PTPRM: variants seen among roughly 807,000 people sequenced by gnomAD.
PTPRM encodes protein tyrosine phosphatase receptor type M, also known as receptor-type tyrosine-protein phosphatase mu.
PTPRM carries 47 observed loss-of-function variants against 186.7 expected under a neutral mutation model. That is an observed-to-expected ratio of 0.25 (90% confidence interval 0.20 to 0.32). PTPRM has a LOEUF of 0.32. Ranked by LOEUF, PTPRM falls within the 10% of genes least tolerant of loss-of-function variation. PTPRM has a pLI of 1.00. For missense variants in PTPRM, 1,494 were observed against 1,865.0 expected, an observed-to-expected ratio of 0.80 and a Z score of 3.66; for synonymous variants, 668 against 674.9, an observed-to-expected ratio of 0.99 and a Z score of 0.16.
At chr18:8,299,499 A>T (rs958441941) in intron 20 of PTPRM, among the ~76,000 whole-genome samples, 8 of 151,830 alleles carry the variant, frequency 5.3e-5, no homozygotes, top group Non-Finnish European at 1.2e-4. Context: ...AGGCAAGAGA[A>T]TTGCTTGAAC....
At chr18:7,849,127 T>C (rs994402645) in intron 2 of PTPRM, among the ~76,000 whole-genome samples, 2 of 152,218 alleles carry the variant, frequency 1.3e-5, no homozygotes, top group African/African-American at 4.8e-5. Context: ...GCACCCAGAA[T>C]GATTTTGGCT....
rs1433766985 is a variant in PTPRM at position 7,650,708 on chromosome 18, A to G, written c.73+82817A>G. On this transcript the variant is annotated intron_variant, in intron 1 of 32. Coordinates refer to ENST00000580170, the MANE Select transcript of PTPRM (RefSeq NM_001105244.2). ...AGACTGTACCGAACCACCTTACAGT[A>G]TGCTGTTTGTTCATTAGACACTTGT... Among the ~76,000 whole-genome samples the G allele has an allele frequency of 2.0e-5, 3 of 152,188 alleles. 1 individual carries two copies. The highest frequency in any genetic ancestry group is 6.8e-3 in the Middle Eastern group (2 of 294).
At chr18:8,298,643 G>A (rs746886342) in intron 20 of PTPRM, among the ~76,000 whole-genome samples, 21 of 152,168 alleles carry the variant, frequency 1.4e-4, no homozygotes, top group Admixed American at 2.6e-4. Flanking sequence ...ATCGAAACCC[G>A]CTCACTAACA....
intron 24 of PTPRM, among the ~76,000 whole-genome samples, chr18:8,372,787 A>G (rs1238692562): frequency 1.3e-5 from 2 of 151,836 alleles, no homozygotes; most frequent in Admixed American, 6.6e-5. Context: ...GAATAACCGC[A>G]TTAAAACAGC....
intron 3 of PTPRM, among the ~76,000 whole-genome samples, chr18:7,905,339 T>C (rs1473809522): frequency 6.6e-6 from 1 of 152,160 alleles, no homozygotes; most frequent in Non-Finnish European, 1.5e-5. Flanking sequence ...GGCTCCACCA[T>C]CTTAAAAAAC....
At chr18:8,044,255 A>G (rs2086874542) in intron 7 of PTPRM, among the ~76,000 whole-genome samples, 1 of 152,186 alleles carries the variant, frequency 6.6e-6, no homozygotes, top group African/African-American at 2.4e-5. Context: ...TATGAGAAAA[A>G]TGATTCATTG....
chr18:8,378,041 T>C, intron 26 of PTPRM: 1 of 470,644 alleles, frequency 2.1e-6, no homozygotes, highest in Non-Finnish European at 3.8e-6. Flanking sequence ...GTTTTCATGG[T>C]GCTGCAGTGC....
At chr18:7,720,044 G>A (rs998899168) in intron 1 of PTPRM, among the ~76,000 whole-genome samples, 2 of 152,074 alleles carry the variant, frequency 1.3e-5, no homozygotes, top group African/African-American at 4.8e-5. Flanking sequence ...AAAAAATTAA[G>A]GAAACCCTTA....
chr18:7,875,327 ATT>A (rs796334079), intron 2 of PTPRM, among the ~76,000 whole-genome samples: 3 of 143,866 alleles, frequency 2.1e-5, no homozygotes, highest in African/African-American at 2.5e-5. Context: ...AACGTGCACC[ATT>A]TTTTTTTTTT....
At chr18:7,936,701 G>A (rs2051835428) in intron 5 of PTPRM, among the ~76,000 whole-genome samples, 2 of 152,188 alleles carry the variant, frequency 1.3e-5, no homozygotes, top group Non-Finnish European at 2.9e-5. Flanking sequence ...AGGAAGGCCT[G>A]AAGCCTGGGA....
chr18:8,257,308 TG>T (rs2094583860), intron 19 of PTPRM, among the ~76,000 whole-genome samples: 2 of 152,076 alleles, frequency 1.3e-5, no homozygotes. Context: ...GGCTGGTCTG[TG>T]GGATGAGGGT....
chr18:7,842,930 G>GTGTGTATATATATATA (rs377182615), intron 2 of PTPRM, among the ~76,000 whole-genome samples: 7 of 100,940 alleles, frequency 6.9e-5, no homozygotes, highest in African/African-American at 2.0e-4. Flanking sequence ...GTGTGTGTGT[G>GTGTGTATATATATATA]TATATATATA....
intron 2 of PTPRM, among the ~76,000 whole-genome samples, chr18:7,883,331 AAATT>A (rs1240949250): frequency 6.6e-6 from 1 of 152,218 alleles, no homozygotes; most frequent in Non-Finnish European, 1.5e-5. Context: ...TAGAAGGTGA[AAATT>A]AAACATTCAG....
At chr18:8,192,075 T>C (rs1274801911) in intron 14 of PTPRM, among the ~76,000 whole-genome samples, 1 of 151,850 alleles carries the variant, frequency 6.6e-6, no homozygotes. Context: ...ATTTTACATA[T>C]AGTAGGACTA....
At chr18:7,606,675 T>C (rs1291418045) in intron 1 of PTPRM, among the ~76,000 whole-genome samples, 2 of 152,164 alleles carry the variant, frequency 1.3e-5, no homozygotes, top group Non-Finnish European at 2.9e-5. Flanking sequence ...GGTGGTTTTA[T>C]GTTATTTGGC....
chr18:8,024,335 C>T (rs1436618905), intron 7 of PTPRM, among the ~76,000 whole-genome samples: 1 of 152,048 alleles, frequency 6.6e-6, no homozygotes, highest in Admixed American at 6.6e-5. Context: ...ATTAGTTTCT[C>T]TTGGGGCCTG....
chr18:7,854,855 G>A (rs1004456918), intron 2 of PTPRM, among the ~76,000 whole-genome samples: 2 of 150,986 alleles, frequency 1.3e-5, no homozygotes, highest in African/African-American at 4.9e-5. Context: ...ACTGCTTATT[G>A]CTTCATCCAG....
intron 31 of PTPRM, 66 bp downstream of exon 31, chr18:8,387,301 TTC>T: frequency 4.1e-6 from 6 of 1,461,046 alleles, no homozygotes; most frequent in Non-Finnish European, 5.6e-6. Context: ...CACCTCCTAG[TTC>T]TCTGACTTTT....
chr18:8,366,005 T>C (rs566343311), intron 23 of PTPRM, among the ~76,000 whole-genome samples: 146 of 152,284 alleles, frequency 9.6e-4, no homozygotes, highest in Non-Finnish European at 1.7e-3. Flanking sequence ...GGGGCTTCAA[T>C]AAACTACTGA....
Sources: gnomAD v4.1 joint callset for allele counts (sites outside exome capture counted in the v4.1 genomes callset) on GRCh38, gnomAD v4.1.1 for gene constraint, MANE v1.5 for transcripts, NCBI Gene and HGNC (gene_info 2026-07-23, HGNC 2026-07-21) for gene names.